The following FHIP1A variants were observed in gnomAD, a reference collection of about 807,000 sequenced individuals.
FHIP1A encodes the protein FHF complex subunit HOOK interacting protein 1A.
In FHIP1A, 61 loss-of-function variants were observed where a neutral mutation model predicts 88.6. That is an observed-to-expected ratio of 0.69 (90% confidence interval 0.56 to 0.85). The LOEUF (loss-of-function observed/expected upper bound fraction) is 0.85. Among genes scored for constraint, FHIP1A ranks in the 40% least tolerant of loss-of-function variants. FHIP1A has a pLI of 0.00. For missense variants in FHIP1A, 1,154 were observed against 1,273.5 expected, an observed-to-expected ratio of 0.91 and a Z score of 1.43; for synonymous variants, 478 against 496.0, an observed-to-expected ratio of 0.96 and a Z score of 0.48.
chr4:151,423,573 A>G (rs184605363), intron 1 of FHIP1A, among the ~76,000 whole-genome samples: 1 of 152,310 alleles, frequency 6.6e-6, no homozygotes, highest in East Asian at 1.9e-4. Context: ...TAGCTTCCTT[A>G]TCTATAAATA....
intron 7 of FHIP1A, among the ~76,000 whole-genome samples, chr4:151,595,475 T>C (rs888389263): frequency 2.6e-5 from 4 of 152,154 alleles, no homozygotes; most frequent in African/African-American, 9.7e-5. Context: ...ATATGTGTGG[T>C]GCTGAGAAGA....
chr4:151,556,975 C>A (rs577459773), intron 3 of FHIP1A, among the ~76,000 whole-genome samples: 1 of 152,158 alleles, frequency 6.6e-6, no homozygotes, highest in South Asian at 2.1e-4. Flanking sequence ...ACAAATGCCT[C>A]GCTAAGGGAT....
At chr4:151,596,886 A>G (rs143130858) in intron 7 of FHIP1A, among the ~76,000 whole-genome samples, 1 of 151,950 alleles carries the variant, frequency 6.6e-6, no homozygotes, top group African/African-American at 2.4e-5. Flanking sequence ...GGTCATTTAC[A>G]TTCTTTTCTA....
chr4:151,602,259 A>G (rs938593258), intron 7 of FHIP1A, among the ~76,000 whole-genome samples: 4 of 152,206 alleles, frequency 2.6e-5, no homozygotes, highest in Admixed American at 2.0e-4. Context: ...ATACTGTTAT[A>G]TGCAAAGGTA....
At chr4:151,444,755 T>C (rs552801350) in intron 1 of FHIP1A, among the ~76,000 whole-genome samples, 1 of 152,248 alleles carries the variant, frequency 6.6e-6, no homozygotes, top group Non-Finnish European at 1.5e-5. Context: ...TGTTTATTCA[T>C]GAAGCCATAT....
chr4:151,444,164 C>T lies in FHIP1A; in HGVS notation c.-355-10537C>T, dbSNP rs185438430. ...CAGGAATTTGTTGAAATCTCTTACC[C>T]ATTTAAAGTTTCCTTCCAATGAGCT... On this transcript the variant is annotated intron_variant, in intron 1 of 13. Transcript: ENST00000435205. Among the ~76,000 whole-genome samples the T allele has an allele frequency of 8.1e-4, 124 of 152,164 alleles. 1 individual carries two copies. In the East Asian group the frequency reaches 0.019, roughly 23 times the overall value.
intron 3 of FHIP1A, among the ~76,000 whole-genome samples, chr4:151,550,214 A>G (rs1282371481): frequency 6.6e-6 from 1 of 152,176 alleles, no homozygotes; most frequent in Non-Finnish European, 1.5e-5. Flanking sequence ...TCCATCCCTC[A>G]AACATTCATC....
intron 1 of FHIP1A, among the ~76,000 whole-genome samples, chr4:151,440,203 G>T (rs1728352263): frequency 6.6e-6 from 1 of 152,120 alleles, no homozygotes; most frequent in African/African-American, 2.4e-5. Context: ...GAATGGGGGG[G>T]AACTGCCCCC....
chr4:151,432,470 G>A (rs2126542502), intron 1 of FHIP1A, among the ~76,000 whole-genome samples: 1 of 152,310 alleles, frequency 6.6e-6, no homozygotes, highest in South Asian at 2.1e-4. Flanking sequence ...CTCATTGGGT[G>A]AGTGAGGAAG....
intron 5 of FHIP1A, among the ~76,000 whole-genome samples, chr4:151,582,541 C>G (rs894077441): frequency 6.6e-6 from 1 of 152,156 alleles, no homozygotes; most frequent in Non-Finnish European, 1.5e-5. Flanking sequence ...CTGCATTTGT[C>G]TGATACTTAA....
intron 7 of FHIP1A, among the ~76,000 whole-genome samples, chr4:151,601,947 C>T (rs572015739): frequency 6.6e-6 from 1 of 152,078 alleles, no homozygotes; most frequent in East Asian, 1.9e-4. Flanking sequence ...TTACATCTTA[C>T]ATGGATGGCG....
intron 3 of FHIP1A, among the ~76,000 whole-genome samples, chr4:151,552,587 A>G (rs938904091): frequency 3.3e-5 from 5 of 152,134 alleles, no homozygotes; most frequent in African/African-American, 9.7e-5. Flanking sequence ...TAGAAAACCA[A>G]ATACCGCATT....
intron 3 of FHIP1A, among the ~76,000 whole-genome samples, chr4:151,526,668 C>T (rs1252938691): frequency 6.6e-6 from 1 of 151,082 alleles, no homozygotes; most frequent in Non-Finnish European, 1.5e-5. Flanking sequence ...GGGGCTGACC[C>T]CCCCTCCTCC....
chr4:151,635,041 A>C (rs2126885466), intron 8 of FHIP1A, among the ~76,000 whole-genome samples: 1 of 151,974 alleles, frequency 6.6e-6, no homozygotes, highest in South Asian at 2.1e-4. Flanking sequence ...TCTGTAACTC[A>C]CCACCAACCA....
At chr4:151,426,840 A>T (rs1733393199) in intron 1 of FHIP1A, among the ~76,000 whole-genome samples, 1 of 152,156 alleles carries the variant, frequency 6.6e-6, no homozygotes, top group African/African-American at 2.4e-5. Context: ...CCTAAACCTA[A>T]ATTATTGTAT....
At chr4:151,466,097 A>C (rs1282534858) in intron 2 of FHIP1A, among the ~76,000 whole-genome samples, 1 of 152,286 alleles carries the variant, frequency 6.6e-6, no homozygotes, top group African/African-American at 2.4e-5. Context: ...GTCTCAGCCC[A>C]AAAACTCCTT....
intron 3 of FHIP1A, among the ~76,000 whole-genome samples, chr4:151,504,505 C>T (rs1373270665): frequency 6.6e-6 from 1 of 152,226 alleles, no homozygotes; most frequent in South Asian, 2.1e-4. Flanking sequence ...AGAAACCCAA[C>T]TCAAACCTGT....
intron 9 of FHIP1A, among the ~76,000 whole-genome samples, 161 bp downstream of exon 9, chr4:151,638,917 T>A (rs1273000166): frequency 6.6e-6 from 1 of 152,242 alleles, no homozygotes; most frequent in African/African-American, 2.4e-5. Flanking sequence ...GAACATTAAT[T>A]TATTTTTTGC....
chr4:151,596,258 G>C (rs762596524), intron 7 of FHIP1A, among the ~76,000 whole-genome samples: 3 of 152,152 alleles, frequency 2.0e-5, no homozygotes, highest in Non-Finnish European at 2.9e-5. Flanking sequence ...TGTCTGTAAA[G>C]GATTTTATTT....
Sources: gnomAD v4.1 joint callset for allele counts (sites outside exome capture counted in the v4.1 genomes callset) on GRCh38, gnomAD v4.1.1 for gene constraint, MANE v1.5 for transcripts, NCBI Gene and HGNC (gene_info 2026-07-23, HGNC 2026-07-21) for gene names.